The following SLC35H1 variants were observed in gnomAD, a reference collection of about 807,000 sequenced individuals.
SLC35H1 encodes the protein solute carrier family 35 member H1, also known as ovarian cancer-overexpressed gene 1 protein.
the SLC35H1 span, chr20:46,348,497 G>A: frequency 3.9e-5 from 6 of 152,338 alleles, no homozygotes; most frequent in South Asian, 2.1e-4. Flanking sequence ...GCTGGAGCAC[G>A]AGCCTCCTTT....
the SLC35H1 span, chr20:46,350,974 G>A: frequency 6.5e-7 from 1 of 1,537,546 alleles, no homozygotes; most frequent in Non-Finnish European, 8.9e-7. Flanking sequence ...GGGGCACTAG[G>A]TACACTCAGG....
the SLC35H1 span, chr20:46,350,961 G>C: frequency 1.9e-6 from 3 of 1,584,712 alleles, no homozygotes; most frequent in East Asian, 2.2e-5. Flanking sequence ...AGGGTGGAAG[G>C]TGGGGGCACT....
At chr20:46,350,868 G>A in the SLC35H1 span, 1 of 1,614,024 alleles carries the variant, frequency 6.2e-7, no homozygotes, top group Non-Finnish European at 8.5e-7. Flanking sequence ...CAGATGAGCT[G>A]CCAACAGCAA....
At chr20:46,361,419 G>A in the SLC35H1 span, among the ~76,000 whole-genome samples, 1 of 152,104 alleles carries the variant, frequency 6.6e-6, no homozygotes, top group African/African-American at 2.4e-5. Context: ...ATGACTGCAG[G>A]AGTCTCCTAC....
chr20:46,352,096 G>A, the SLC35H1 span: 1 of 1,614,196 alleles, frequency 6.2e-7, no homozygotes. Flanking sequence ...AGGTTCTGGA[G>A]ACCAGGAGGA....
the SLC35H1 span, chr20:46,358,579 A>C: frequency 6.2e-7 from 1 of 1,610,878 alleles, no homozygotes; most frequent in Non-Finnish European, 8.5e-7. Flanking sequence ...ATGTGCAGGA[A>C]GAGCCGGTGG....
chr20:46,363,777 C>A, the SLC35H1 span, among the ~76,000 whole-genome samples: 2 of 152,240 alleles, frequency 1.3e-5, no homozygotes, highest in Non-Finnish European at 2.9e-5. Context: ...ACAGATCATG[C>A]CCTAAGGCTA....
At chr20:46,359,847 G>C in the SLC35H1 span, among the ~76,000 whole-genome samples, 1 of 152,146 alleles carries the variant, frequency 6.6e-6, no homozygotes, top group Admixed American at 6.5e-5. Flanking sequence ...TTCACGATCA[G>C]ACACATTCTC....
the SLC35H1 span, chr20:46,355,022 C>T: frequency 6.2e-7 from 1 of 1,613,844 alleles, no homozygotes. This position sits in a 1 kb window ranked among gnomAD's most constrained non-coding sequence, Gnocchi z 4.8. Context: ...CTGCCTCCGC[C>T]CTGCCTGTGC....
At chr20:46,352,287 T>C in the SLC35H1 span, 1 of 1,444,692 alleles carries the variant, frequency 6.9e-7, no homozygotes, top group Admixed American at 1.8e-5. Context: ...GCCAGCCCAA[T>C]GCCAACCACA....
At chr20:46,363,457 CA>C in the SLC35H1 span, among the ~76,000 whole-genome samples, 4 of 152,196 alleles carry the variant, frequency 2.6e-5, no homozygotes, top group Non-Finnish European at 1.5e-5. Flanking sequence ...CTCACGCTCC[CA>C]ATCTATCCCA....
At chr20:46,355,193 T>C in the SLC35H1 span, 1 of 1,613,842 alleles carries the variant, frequency 6.2e-7, no homozygotes, top group East Asian at 2.2e-5. The surrounding 1 kb of genome is among the most constrained non-coding windows in gnomAD (Gnocchi z 4.8). Flanking sequence ...TAGGTGAACA[T>C]GAAGAGACCC....
the SLC35H1 span, chr20:46,358,587 T>C: frequency 6.2e-7 from 1 of 1,606,094 alleles, no homozygotes; most frequent in East Asian, 2.3e-5. Flanking sequence ...GAAGAGCCGG[T>C]GGAGTTAGAC....
chr20:46,358,227 G>A, the SLC35H1 span, among the ~76,000 whole-genome samples: 1 of 152,308 alleles, frequency 6.6e-6, no homozygotes, highest in Admixed American at 6.5e-5. Context: ...GGGGAACCCT[G>A]GCACGGCAGG....
At chr20:46,352,772 G>A in the SLC35H1 span, 23 of 155,144 alleles carry the variant, frequency 1.5e-4, no homozygotes, top group Admixed American at 1.2e-3. Context: ...GGATGATGGA[G>A]ATCCTAGTGG....
At chr20:46,355,213 A>G in the SLC35H1 span, 2 of 1,613,904 alleles carry the variant, frequency 1.2e-6, no homozygotes, top group East Asian at 2.2e-5. The surrounding 1 kb of genome is among the most constrained non-coding windows in gnomAD (Gnocchi z 4.8). Context: ...CCCGGCGATG[A>G]GGAGGACCAC....
At chr20:46,357,552 C>CT in the SLC35H1 span, 3 of 1,532,714 alleles carry the variant, frequency 2.0e-6, no homozygotes, top group South Asian at 3.6e-5. Context: ...ATGCGGGTGT[C>CT]TCTCTTGTTC....
chr20:46,356,656 C>T, the SLC35H1 span: 6,179 of 1,612,144 alleles, frequency 3.8e-3, 37 homozygotes, highest in South Asian at 0.02. Context: ...ACACAGGCAC[C>T]CACAGGACAG....
At chr20:46,350,106 G>C in the SLC35H1 span, 1 of 271,274 alleles carries the variant, frequency 3.7e-6, no homozygotes, top group Middle Eastern at 1.0e-3. Flanking sequence ...TCGGCTGTCA[G>C]AGCCTGGGAA....
Sources: gnomAD v4.1 joint callset for allele counts (sites outside exome capture counted in the v4.1 genomes callset) on GRCh38, gnomAD v4.1.1 for gene constraint, Gnocchi (gnomAD v3.1) non-coding constraint, MANE v1.5 for transcripts, NCBI Gene and HGNC (gene_info 2026-07-23, HGNC 2026-07-21) for gene names.